The following PTN variants were observed in gnomAD, a reference collection of about 807,000 sequenced individuals.
PTN encodes the protein pleiotrophin, also known as heparin affin regulatory protein.
Under a neutral mutation model 24.1 loss-of-function variants are expected in PTN, and 18 were observed. The ratio of observed to expected loss-of-function variants is 0.75; its 90% CI spans 0.52 to 1.11. The LOEUF (loss-of-function observed/expected upper bound fraction) is 1.11, where lower values mean the gene tolerates loss of function less well. Among genes scored for constraint, PTN ranks in the 50% least tolerant of loss-of-function variants. The pLI is 0.00. For missense variants in PTN, 163 were observed against 198.8 expected (o/e 0.82, Z 1.08); for synonymous variants, 78 against 68.6 (o/e 1.14, Z -0.67).
chr7:137,243,582 GTAGAATC>G (rs1189057739), intron 4 of PTN, among the ~76,000 whole-genome samples: 2 of 152,144 alleles, frequency 1.3e-5, no homozygotes, highest in African/African-American at 2.4e-5. Context: ...GTGTTTAGAG[GTAGAATC>G]TAGAAAGTTA....
chr7:137,339,689 C>T (rs1182473737), intron 1 of PTN, among the ~76,000 whole-genome samples: 1 of 151,948 alleles, frequency 6.6e-6, no homozygotes, highest in Non-Finnish European at 1.5e-5. Context: ...GCAGGCATTC[C>T]TGGTACATCC....
rs768166090 is a variant in PTN, at chr7:137,343,573, G to A, written c.-136C>T. Reference sequence around the variant, plus strand: ...CTGCTGCTCTCCCCGCCTTCTGGACGGATGACTCACTGGTCTCTTTCTTCC... The same window carrying A: ...CTGCTGCTCTCCCCGCCTTCTGGACAGATGACTCACTGGTCTCTTTCTTCC... On this transcript the variant is annotated 5_prime_UTR_variant, in exon 1 of 5. Coordinates refer to ENST00000348225, the MANE Select transcript of PTN (RefSeq NM_002825.7). 1.9e-6 allele frequency: 1 copy of A among 518,952 alleles called. No individual in the cohort carries two copies. Among genetic ancestry groups the A allele is most frequent in the Non-Finnish European group, 3.8e-6 (1 of 259,864 alleles). The allele number at this position is 518,952 out of a possible 1,614,324, so 32.1% of individuals were successfully genotyped here. A position where few individuals can be genotyped will look rare whatever the true frequency, so the allele number is the denominator to read the frequency against.
chr7:137,229,441 A>G (rs1282181658), intron 4 of PTN, among the ~76,000 whole-genome samples: 1 of 151,700 alleles, frequency 6.6e-6, no homozygotes, highest in Non-Finnish European at 1.5e-5. Flanking sequence ...AACTAGAAAT[A>G]TTGTATATTT....
intron 1 of PTN, among the ~76,000 whole-genome samples, chr7:137,255,970 A>AT (rs1414813886): frequency 1.3e-5 from 2 of 152,086 alleles, no homozygotes; most frequent in East Asian, 1.9e-4. Context: ...TAGGCTGATA[A>AT]TTTTTTTTCC....
At position 137,253,584 on chromosome 7, in the gene PTN, GCA is replaced by G. The variant is rs1451950796; in HGVS notation, c.167_168del (p.Val56AlafsTer19). 10 of 1,603,448 alleles carry G rather than the reference GCA, an allele frequency of 6.2e-6. No homozygotes were observed. Among genetic ancestry groups the G allele is most frequent in the Non-Finnish European group, 7.7e-6 (9 of 1,173,958 alleles). On this transcript the variant is annotated frameshift_variant, in exon 3 of 5. Coordinates refer to ENST00000348225, the MANE Select transcript of PTN (RefSeq NM_002825.7). LOFTEE classifies it high-confidence loss of function. ...DCGEWQWSVCVPTSGDCGLGT... is the reference protein window; with the variant it reads ...DCGEWQWSVCXPTSGDCGLGT... ...CCCAGCCCACAGTCTCCACTGGTGG[GCA>G]CACACACACTCCACTGCCATTCTCC...
chr7:137,329,040 C>T (rs999435502), intron 1 of PTN, among the ~76,000 whole-genome samples: 3 of 152,128 alleles, frequency 2.0e-5, no homozygotes, highest in African/African-American at 2.4e-5. Context: ...ATTTGGACTA[C>T]ACCCTCAGTT....
intron 3 of PTN, 105 bp from the exon 4 acceptor site, chr7:137,251,496 T>C: frequency 1.6e-6 from 2 of 1,239,130 alleles, no homozygotes; most frequent in Non-Finnish European, 2.3e-6. Flanking sequence ...GAAATAATTA[T>C]AGATCCATAT....
intron 1 of PTN, among the ~76,000 whole-genome samples, chr7:137,266,715 C>T (rs2128873609): frequency 6.7e-6 from 1 of 150,208 alleles, no homozygotes; most frequent in East Asian, 2.0e-4. Flanking sequence ...ATGAAGGCCA[C>T]AAGATTAGAA....
chr7:137,342,787 A>C (rs1810556241), intron 1 of PTN, among the ~76,000 whole-genome samples: 2 of 152,176 alleles, frequency 1.3e-5, no homozygotes. Flanking sequence ...AGTTCTTTAA[A>C]TTTGCATTCA....
intron 2 of PTN, among the ~76,000 whole-genome samples, chr7:137,254,592 T>C (rs1262764130): frequency 6.6e-6 from 1 of 151,940 alleles, no homozygotes; most frequent in Non-Finnish European, 1.5e-5. Context: ...TGATTACCGG[T>C]CAATGTTCTA....
At chr7:137,255,537 T>G (rs1251875584) in intron 1 of PTN, among the ~76,000 whole-genome samples, 1 of 152,198 alleles carries the variant, frequency 6.6e-6, no homozygotes, top group Non-Finnish European at 1.5e-5. Context: ...ATCTTATTAT[T>G]CCATTATTTA....
intron 1 of PTN, among the ~76,000 whole-genome samples, chr7:137,275,210 CT>C (rs1335387569): frequency 6.6e-6 from 1 of 152,150 alleles, no homozygotes; most frequent in East Asian, 1.9e-4. Flanking sequence ...ACGGTTTAGA[CT>C]TTGATAAGTA....
chr7:137,242,276 G>A (rs1347127162), intron 4 of PTN, among the ~76,000 whole-genome samples: 4 of 152,118 alleles, frequency 2.6e-5, no homozygotes, highest in South Asian at 2.1e-4. Flanking sequence ...AGGGCTAGGC[G>A]GCTTTCCAAA....
At chr7:137,241,485 A>AAAAC in intron 4 of PTN, among the ~76,000 whole-genome samples, 1 of 152,192 alleles carries the variant, frequency 6.6e-6, no homozygotes, top group Middle Eastern at 3.2e-3. Flanking sequence ...TGCTGAGGGT[A>AAAAC]AAACACCTAC....
chr7:137,252,471 T>A (rs1358381307), intron 3 of PTN, among the ~76,000 whole-genome samples: 1 of 151,992 alleles, frequency 6.6e-6, no homozygotes, highest in Non-Finnish European at 1.5e-5. Context: ...AATGTAAGTC[T>A]TTAAGATATA....
At chr7:137,279,950 G>A (rs1809439958) in intron 1 of PTN, among the ~76,000 whole-genome samples, 1 of 152,128 alleles carries the variant, frequency 6.6e-6, no homozygotes, top group African/African-American at 2.4e-5. Flanking sequence ...AAATTTTTTA[G>A]GAGATAAACT....
intron 1 of PTN, among the ~76,000 whole-genome samples, chr7:137,327,220 A>G (rs1810277570): frequency 6.6e-6 from 1 of 152,192 alleles, no homozygotes; most frequent in South Asian, 2.1e-4. Flanking sequence ...TGATATTTTT[A>G]TGCCTTACTT....
At chr7:137,262,566 G>A (rs1162431373) in intron 1 of PTN, among the ~76,000 whole-genome samples, 1 of 152,096 alleles carries the variant, frequency 6.6e-6, no homozygotes, top group Non-Finnish European at 1.5e-5. Context: ...AGTGAAGGGA[G>A]TGGCTTTAAT....
At chr7:137,299,639 GA>G (rs1473393334) in intron 1 of PTN, among the ~76,000 whole-genome samples, 1 of 151,940 alleles carries the variant, frequency 6.6e-6, no homozygotes, top group African/African-American at 2.4e-5. Flanking sequence ...GCTCTGGTAT[GA>G]AAGACACACT....
Sources: allele counts gnomAD v4.1 joint callset (sites outside exome capture counted in the v4.1 genomes callset), GRCh38; gene constraint gnomAD v4.1.1; transcripts MANE v1.5; gene names NCBI Gene and HGNC (gene_info 2026-07-23, HGNC 2026-07-21).